The following CAMSAP2 variants were observed in gnomAD, a reference collection of about 807,000 sequenced individuals.
CAMSAP2 encodes calmodulin-regulated spectrin-associated protein 2.
CAMSAP2 carries 26 observed loss-of-function variants against 146.1 expected under a neutral mutation model. The ratio of observed to expected loss-of-function variants is 0.18; its 90% CI spans 0.13 to 0.25. The LOEUF (loss-of-function observed/expected upper bound fraction) is 0.25, where lower values mean the gene tolerates loss of function less well. Among genes scored for constraint, CAMSAP2 ranks in the 10% least tolerant of loss-of-function variants. CAMSAP2 has a pLI of 1.00. For synonymous variants in CAMSAP2, 499 were observed against 596.6 expected (o/e 0.84, Z 2.38); for missense variants, 1,381 against 1,759.3 (o/e 0.78, Z 3.85).
chr1:200,775,325 A>G lies in CAMSAP2; in HGVS notation c.399+14227A>G, dbSNP rs572726647. ...CAAGATTGATATGGAGAGTGATAAG[A>G]GATCTGGTTGAGAAAAAGATTGTAG... On this transcript the variant is annotated intron_variant, in intron 2 of 16. Coordinates refer to ENST00000358823, the MANE Select transcript of CAMSAP2 (RefSeq NM_203459.4). Among the ~76,000 whole-genome samples the G allele has an allele frequency of 2.6e-5, 4 of 152,348 alleles. No homozygotes were observed. The East Asian group carries it at 7.7e-4, about 29-fold the overall frequency.
chr1:200,849,755 C>G lies in CAMSAP2; in HGVS notation c.2986C>G (p.Arg996Gly). The change falls in exon 11 of 17, where the codon CGG (arginine) becomes GGG (glycine). Residue 996 changes from arginine to glycine, a missense_variant. Around this residue, in one of 4 missense-constraint regions of CAMSAP2, gnomAD observed 560 missense variants for 715.9 expected, o/e 0.78. Transcript: ENST00000358823. This position sits in a 1 kb window ranked among gnomAD's most constrained non-coding sequence, Gnocchi z 6.3. ...TPLNRTLTPP[R>G]SVDSLPRLRR... The stretch of plus-strand genomic sequence containing the variant: ...TTTGAATCGAACCTTGACACCTCCT[C>G]GGTCTGTGGATAGCCTTCCTCGGTT... The G allele has an allele frequency of 6.2e-7, 1 of 1,614,148 alleles. No homozygotes were observed. The highest frequency in any genetic ancestry group is 8.5e-7 in the Non-Finnish European group (1 of 1,180,010).
chr1:200,754,804 T>TA (rs1664604427), intron 1 of CAMSAP2, among the ~76,000 whole-genome samples: 1 of 152,054 alleles, frequency 6.6e-6, no homozygotes, highest in African/African-American at 2.4e-5. Flanking sequence ...GGACGGTCTC[T>TA]ATCTCCTGAC....
chr1:200,779,547 G>A (rs187364990), intron 2 of CAMSAP2, among the ~76,000 whole-genome samples: 4 of 152,280 alleles, frequency 2.6e-5, no homozygotes, highest in Admixed American at 6.5e-5. Flanking sequence ...GGTTATTGAC[G>A]TCATGGAAAT....
intron 2 of CAMSAP2, among the ~76,000 whole-genome samples, chr1:200,790,004 G>C (rs1665703664): frequency 6.6e-6 from 1 of 152,152 alleles, no homozygotes; most frequent in Non-Finnish European, 1.5e-5. Context: ...CTTGTATCCT[G>C]CAACCTTGCT....
Position 200,848,547 on chromosome 1 carries a change from C to T in CAMSAP2, c.1778C>T (p.Thr593Ile). 4 of 1,613,986 alleles carry T rather than the reference C, an allele frequency of 2.5e-6. No homozygotes were observed. In the South Asian group the frequency reaches 4.4e-5, roughly 18 times the overall value. ...KLNQSSPDNV[T>I]DTKGALSPIT... Reference sequence around the variant, plus strand: ...AATCAATCTAGTCCTGATAATGTAACTGATACGAAAGGTGCCTTGAGTCCC... The same window carrying T: ...AATCAATCTAGTCCTGATAATGTAATTGATACGAAAGGTGCCTTGAGTCCC... The change falls in exon 11 of 17, where the codon ACT becomes ATT. Residue 593 changes from threonine (T) to isoleucine (I), a missense_variant. Physicochemically the swap from Thr to Ile is moderately conservative, Grantham distance 89. Transcript: ENST00000358823.
intron 6 of CAMSAP2, among the ~76,000 whole-genome samples, chr1:200,835,393 A>G (rs1017895662): frequency 1.3e-5 from 2 of 152,234 alleles, no homozygotes; most frequent in Admixed American, 1.3e-4. Context: ...GCGAGAGACT[A>G]TTATATGCTA....
intron 2 of CAMSAP2, among the ~76,000 whole-genome samples, chr1:200,799,658 A>T (rs893229543): frequency 2.0e-5 from 3 of 151,786 alleles, no homozygotes; most frequent in African/African-American, 7.3e-5. Flanking sequence ...AGGCTTTTTC[A>T]TGTCTCTTTC....
intron 2 of CAMSAP2, among the ~76,000 whole-genome samples, chr1:200,771,118 A>G (rs1471745521): frequency 6.6e-6 from 1 of 152,200 alleles, no homozygotes; most frequent in Non-Finnish European, 1.5e-5. Context: ...GATAGCAAAG[A>G]AGGGGAGAGG....
chr1:200,814,482 C>T (rs904638695), intron 3 of CAMSAP2, among the ~76,000 whole-genome samples: 21 of 151,616 alleles, frequency 1.4e-4, no homozygotes, highest in South Asian at 4.2e-4. Context: ...TGATGGCGGG[C>T]GCCTGTAATC....
intron 2 of CAMSAP2, among the ~76,000 whole-genome samples, chr1:200,770,669 C>T (rs1178538731): frequency 6.6e-6 from 1 of 152,158 alleles, no homozygotes; most frequent in Non-Finnish European, 1.5e-5. Context: ...CCACCTCGGC[C>T]TCCCAAAGTG....
intron 2 of CAMSAP2, among the ~76,000 whole-genome samples, chr1:200,799,261 A>G (rs1436941613): frequency 6.7e-6 from 1 of 150,226 alleles, no homozygotes; most frequent in Non-Finnish European, 1.5e-5. Context: ...TCCTCTTTGT[A>G]CCCCTGGTAG....
chr1:200,753,939 G>T (rs888740725), intron 1 of CAMSAP2, among the ~76,000 whole-genome samples: 25 of 152,246 alleles, frequency 1.6e-4, no homozygotes, highest in African/African-American at 5.5e-4. Flanking sequence ...GACAAATCAC[G>T]TGGCAGCCAG....
Position 200,832,630 on chromosome 1 carries a change from T to G in CAMSAP2, c.788-76T>G, listed in dbSNP as rs1667073338. On this transcript the variant is annotated intron_variant, in intron 5 of 16. Coordinates refer to ENST00000358823, the MANE Select transcript of CAMSAP2 (RefSeq NM_203459.4). The surrounding 1 kb of genome is among the most constrained non-coding windows in gnomAD (Gnocchi z 4.2). Reference sequence around the variant, plus strand: ...GTTAACCAGAATTGTGTATTTGTACTAATTACAAGATGGATATGAAATATT... The same window carrying G: ...GTTAACCAGAATTGTGTATTTGTACGAATTACAAGATGGATATGAAATATT... 2 of 1,216,562 alleles carry G rather than the reference T, an allele frequency of 1.6e-6. No homozygotes were observed. Among genetic ancestry groups the G allele is most frequent in the Non-Finnish European group, 2.3e-6 (2 of 881,116 alleles). The allele number at this position is 1,216,562 out of a possible 1,614,324, so 75.4% of individuals were successfully genotyped here. A position where few individuals can be genotyped will look rare whatever the true frequency, so the allele number is the denominator to read the frequency against.
Position 200,816,932 on chromosome 1 carries a change from A to ACG in CAMSAP2, c.645+1291_645+1292dup, listed in dbSNP as rs1378285609. On this transcript the variant is annotated intron_variant, in intron 4 of 16. Transcript: ENST00000358823. ...CGCGTGTGTATGTGTGTACACACACACGCGTGTGTATGTGTGTACACACAC... is the reference window on the plus strand; with the variant it reads ...CGCGTGTGTATGTGTGTACACACACACGCGCGTGTGTATGTGTGTACACACAC... 5.4e-5 allele frequency among the ~76,000 whole-genome samples: 4 copies of ACG among 74,250 alleles called. 2 individuals are homozygous for ACG. Among genetic ancestry groups the ACG allele is most frequent in the Admixed American group, 4.7e-4 (4 of 8,556 alleles). The allele number at this position is 74,250 out of a possible 152,430, so 48.7% of individuals were successfully genotyped here. A position where few individuals can be genotyped will look rare whatever the true frequency, so the allele number is the denominator to read the frequency against.
At chr1:200,756,221 G>C (rs986459509) in intron 1 of CAMSAP2, among the ~76,000 whole-genome samples, 1 of 152,182 alleles carries the variant, frequency 6.6e-6, no homozygotes, top group African/African-American at 2.4e-5. Flanking sequence ...GGGAGGCCAA[G>C]GCGGGCAGAT....
chr1:200,816,804 GTGTATATATGTGTGTA>G lies in CAMSAP2; in HGVS notation c.645+1161_645+1176del, dbSNP rs1666529840. Among the ~76,000 whole-genome samples the G allele has an allele frequency of 5.8e-5, 5 of 86,312 alleles. 2 individuals are homozygous for G. The highest frequency in any genetic ancestry group is 1.1e-4 in the Non-Finnish European group (5 of 46,244). The allele number at this position is 86,312 out of a possible 152,430, so 56.6% of individuals were successfully genotyped here. A position where few individuals can be genotyped will look rare whatever the true frequency, so the allele number is the denominator to read the frequency against. ...TATATATGTGTGTACACACACACGCGTGTATATATGTGTGTACACACACACGCGTGTGTATGTGTGT... is the reference window on the plus strand; with the variant it reads ...TATATATGTGTGTACACACACACGCGCACACACACGCGTGTGTATGTGTGT... On this transcript the variant is annotated intron_variant, in intron 4 of 16. Transcript: ENST00000358823.
chr1:200,826,897 C>T (rs550500226), intron 4 of CAMSAP2, among the ~76,000 whole-genome samples: 1 of 152,070 alleles, frequency 6.6e-6, no homozygotes, highest in East Asian at 1.9e-4. Flanking sequence ...AATCAAAAAA[C>T]CTTTGTCCTC....
intron 11 of CAMSAP2, among the ~76,000 whole-genome samples, chr1:200,851,211 A>T (rs1051008756): frequency 3.3e-5 from 5 of 151,678 alleles, no homozygotes; most frequent in East Asian, 1.9e-4. Flanking sequence ...TTATTTATTT[A>T]TTTTTTGAGA....
chr1:200,817,058 A>G (rs541700937), intron 4 of CAMSAP2, among the ~76,000 whole-genome samples: 1 of 141,010 alleles, frequency 7.1e-6, no homozygotes, highest in East Asian at 2.1e-4. Context: ...GTATGTGTAT[A>G]CACACACGTA....
Sources: allele counts gnomAD v4.1 joint callset (sites outside exome capture counted in the v4.1 genomes callset), GRCh38; gene constraint gnomAD v4.1.1; regional missense constraint gnomAD v4.1.1; non-coding constraint Gnocchi (gnomAD v3.1); transcripts MANE v1.5; gene names NCBI Gene and HGNC (gene_info 2026-07-23, HGNC 2026-07-21).